The following TMEM132B variants were observed in gnomAD, a reference collection of about 807,000 sequenced individuals.
TMEM132B encodes transmembrane protein 132B.
In TMEM132B, 18 loss-of-function variants were observed where a neutral mutation model predicts 90.8. The observed-to-expected ratio is 0.20, with a 90% CI of 0.14 to 0.29. TMEM132B has a LOEUF of 0.29. TMEM132B is among the 10% of genes least tolerant of loss of function. TMEM132B has a pLI of 1.00. For missense variants in TMEM132B, 1,096 were observed against 1,326.8 expected (o/e 0.83, Z 2.70); for synonymous variants, 504 against 523.3 (o/e 0.96, Z 0.50).
intron 4 of TMEM132B, among the ~76,000 whole-genome samples, chr12:125,528,303 A>C (rs1244119687): frequency 6.6e-6 from 1 of 152,198 alleles, no homozygotes; most frequent in Non-Finnish European, 1.5e-5. Flanking sequence ...TCTTAAAACT[A>C]AAAAGCCTGG....
chr12:125,591,606 T>C (rs968265019), intron 5 of TMEM132B, among the ~76,000 whole-genome samples: 2 of 152,118 alleles, frequency 1.3e-5, no homozygotes, highest in Non-Finnish European at 2.9e-5. Context: ...CTTAAACCAA[T>C]AGAAATTTGT....
intron 1 of TMEM132B, among the ~76,000 whole-genome samples, chr12:125,320,642 G>C (rs434211): frequency 0.74 from 111,559 of 151,692 alleles, 42,023 homozygotes; most frequent in African/African-American, 0.89. Flanking sequence ...GCTCCACAAG[G>C]GGGAAGCTGA....
intron 4 of TMEM132B, among the ~76,000 whole-genome samples, chr12:125,519,986 C>T (rs920716644): frequency 5.9e-5 from 9 of 152,150 alleles, no homozygotes; most frequent in African/African-American, 1.9e-4. Context: ...AAGTAACTGA[C>T]CCCTTGTCAA....
At chr12:125,314,202 C>T (rs1876196985) in intron 1 of TMEM132B, among the ~76,000 whole-genome samples, 1 of 152,046 alleles carries the variant, frequency 6.6e-6, no homozygotes, top group Admixed American at 6.5e-5. Flanking sequence ...TGCCACGTCC[C>T]AGCCTCCAGT....
At chr12:125,255,611 G>C (rs949069522) in intron 1 of TMEM132B, among the ~76,000 whole-genome samples, 1 of 152,180 alleles carries the variant, frequency 6.6e-6, no homozygotes, top group South Asian at 2.1e-4. Context: ...TCCACCTAGC[G>C]CACCTGCTTG....
At position 125,590,934 on chromosome 12, in the gene TMEM132B, C is replaced by G. The variant is rs202218003; in HGVS notation, c.1437+6940C>G. On this transcript the variant is annotated intron_variant, in intron 5 of 8. Transcript: ENST00000682704. ...GAGTTCCCACCTAGGAGGTCAGCCC[C>G]AGATCCTATGACCTCAACCTCTGTA... Among the ~76,000 whole-genome samples the G allele has an allele frequency of 3.9e-5, 6 of 152,182 alleles. No individual in the cohort carries two copies. In the East Asian group the frequency reaches 1.2e-3, roughly 29 times the overall value.
intron 4 of TMEM132B, among the ~76,000 whole-genome samples, chr12:125,576,584 A>T (rs1437418451): frequency 1.3e-5 from 2 of 150,558 alleles, no homozygotes; most frequent in Non-Finnish European, 3.0e-5. Context: ...TACCACTGTG[A>T]TATTAGCTGT....
chr12:125,385,343 C>A (rs913888347), intron 2 of TMEM132B, among the ~76,000 whole-genome samples: 1 of 152,044 alleles, frequency 6.6e-6, no homozygotes, highest in African/African-American at 2.4e-5. Flanking sequence ...GGTTGGGGGA[C>A]CTGTCTAGCA....
chr12:125,550,529 A>G (rs1257397535), intron 4 of TMEM132B, among the ~76,000 whole-genome samples: 3 of 152,232 alleles, frequency 2.0e-5, no homozygotes, highest in African/African-American at 7.2e-5. Context: ...TAACATATGT[A>G]TTAACATAGC....
chr12:125,448,568 GTATAGA>G (rs1404785135), intron 3 of TMEM132B, among the ~76,000 whole-genome samples: 1 of 152,138 alleles, frequency 6.6e-6, no homozygotes, highest in African/African-American at 2.4e-5. Flanking sequence ...GTATTCCATT[GTATAGA>G]TATAATTTAT....
rs549503750 is a variant in TMEM132B at position 125,249,502 on chromosome 12, C to T, written c.67+62636C>T. ...AGTTTGCGGTGGGACATAGAATCCT[C>T]TCCCACAAAACCATCAGCCAGATGC... On this transcript the variant is annotated intron_variant, in intron 1 of 8. Coordinates refer to ENST00000682704, the MANE Select transcript of TMEM132B (RefSeq NM_001366854.1). 1.6e-4 allele frequency among the ~76,000 whole-genome samples: 24 copies of T among 152,308 alleles called. 1 individual carries two copies. The highest frequency in any genetic ancestry group is 3.4e-3 in the Middle Eastern group (1 of 294).
chr12:125,426,765 G>A (rs116035444), intron 3 of TMEM132B, among the ~76,000 whole-genome samples: 1,688 of 152,318 alleles, frequency 0.011, 30 homozygotes, highest in African/African-American at 0.037. Context: ...AATCTAAGCA[G>A]TTGGCTGGAC....
chr12:125,385,125 T>C (rs549678524), intron 2 of TMEM132B, among the ~76,000 whole-genome samples: 1 of 152,354 alleles, frequency 6.6e-6, no homozygotes, highest in African/African-American at 2.4e-5. Context: ...ACTTAAAAAA[T>C]TTAATGCTGG....
Position 125,405,382 on chromosome 12 carries a change from A to T in TMEM132B, c.960-10149A>T, listed in dbSNP as rs1048419261. Among the ~76,000 whole-genome samples the T allele has an allele frequency of 2.0e-5, 3 of 152,194 alleles. No individual in the cohort carries two copies. In the East Asian group the frequency reaches 5.8e-4, roughly 29 times the overall value. On this transcript the variant is annotated intron_variant, in intron 2 of 8. Transcript: ENST00000682704. Reference sequence around the variant, plus strand: ...CCCACCCTAAATCCAGGATGGTCTCATCTTGAGATACCTAAGTAATTACAT... The same window carrying T: ...CCCACCCTAAATCCAGGATGGTCTCTTCTTGAGATACCTAAGTAATTACAT...
At chr12:125,589,149 A>G (rs1566082457) in intron 5 of TMEM132B, among the ~76,000 whole-genome samples, 1 of 152,164 alleles carries the variant, frequency 6.6e-6, no homozygotes, top group Non-Finnish European at 1.5e-5. Context: ...ATATTTAGAT[A>G]TTTGGGCCTC....
intron 2 of TMEM132B, among the ~76,000 whole-genome samples, chr12:125,413,470 C>T (rs146992811): frequency 2.0e-5 from 3 of 152,272 alleles, no homozygotes; most frequent in East Asian, 1.9e-4. Context: ...ACTGGGTACC[C>T]GTTAGCTAGG....
intron 1 of TMEM132B, among the ~76,000 whole-genome samples, chr12:125,341,147 A>T (rs1253562758): frequency 6.6e-6 from 1 of 152,226 alleles, no homozygotes; most frequent in East Asian, 1.9e-4. Context: ...CTGGCAGCAG[A>T]ACATAATGGC....
chr12:125,644,059 C>T lies in TMEM132B; in HGVS notation c.1438-17C>T. On this transcript the variant is annotated splice_polypyrimidine_tract_variant and intron_variant, in intron 5 of 8. Transcript: ENST00000682704. Reference sequence around the variant, plus strand: ...TTTCCTACTGATGCATCTCAAGGTTCTACCTCCTTCCCAAAGGTTTCCAAC... The same window carrying T: ...TTTCCTACTGATGCATCTCAAGGTTTTACCTCCTTCCCAAAGGTTTCCAAC... 6.2e-7 allele frequency: 1 copy of T among 1,612,814 alleles called. No homozygotes were observed. Among genetic ancestry groups the T allele is most frequent in the Non-Finnish European group, 8.5e-7 (1 of 1,178,844 alleles).
chr12:125,383,153 T>C (rs1244512634), intron 2 of TMEM132B, among the ~76,000 whole-genome samples: 2 of 152,204 alleles, frequency 1.3e-5, no homozygotes, highest in Non-Finnish European at 2.9e-5. Context: ...GATAATTGCC[T>C]CTTTGATTTG....
Sources: allele counts gnomAD v4.1 joint callset (sites outside exome capture counted in the v4.1 genomes callset), GRCh38; gene constraint gnomAD v4.1.1; transcripts MANE v1.5; gene names NCBI Gene and HGNC (gene_info 2026-07-23, HGNC 2026-07-21).